Variants in AARSD1 observed in about 807,000 individuals in gnomAD.
AARSD1 encodes alanyl-tRNA editing protein Aarsd1.
A neutral mutation model predicts 48.7 loss-of-function variants in AARSD1; 44 were observed. That is an observed-to-expected ratio of 0.90 (90% CI 0.71 to 1.16). AARSD1 has a LOEUF of 1.16. Ranked by LOEUF, AARSD1 falls within the 50% of genes most tolerant of loss-of-function variation. AARSD1 has a pLI of 0.00. For synonymous variants in AARSD1, 189 were observed against 194.9 expected, an observed-to-expected ratio of 0.97 and a Z score of 0.25; for missense variants, 511 against 523.1, an observed-to-expected ratio of 0.98 and a Z score of 0.23.
chr17:42,955,267 C>A, intron 7 of AARSD1, 43 bp from the exon 8 acceptor site: 2 of 1,611,060 alleles, frequency 1.2e-6, no homozygotes, highest in South Asian at 2.2e-5. Flanking sequence ...GCTTCCCAGT[C>A]GTTTCTGATG....
Position 42,950,653 on chromosome 17 carries a change from C to T in AARSD1, c.1179G>A (p.Arg393=), listed in dbSNP as rs2049466952. ...RFQGKATKMS[R]RMEAQALLQD... ...GGAGAAGCGCCTGCGCCTCCATCCG[C>T]CGGCTCATCTTGGTGGCCTTGCCCT... Residue 393 remains arginine, a synonymous_variant, in exon 12 of 12, where the codon CGG becomes CGA. Transcript: ENST00000427569. 6.2e-7 allele frequency: 1 copy of T among 1,614,106 alleles called. No individual in the cohort carries two copies. The highest frequency in any genetic ancestry group is 8.5e-7 in the Non-Finnish European group (1 of 1,180,016).
intron 9 of AARSD1, 47 bp from the exon 10 acceptor site, chr17:42,953,825 G>T (rs769512083): frequency 1.2e-6 from 2 of 1,613,338 alleles, no homozygotes; most frequent in Non-Finnish European, 1.7e-6. Context: ...AGTGGTGGCT[G>T]TGAAACTGCA....
At chr17:42,960,588 G>C (rs1203960487) in intron 3 of AARSD1, among the ~76,000 whole-genome samples, 1 of 151,816 alleles carries the variant, frequency 6.6e-6, no homozygotes, top group Non-Finnish European at 1.5e-5. Context: ...TGGGCATGGT[G>C]GTGGGGGCCT....
At position 42,961,290 on chromosome 17, in the gene AARSD1, T is replaced by C. The variant is rs2049634080; in HGVS notation, c.233A>G (p.Gln78Arg). ...SVLRVTRRGE[Q>R]ADHFTQTPLD... Reference sequence around the variant, plus strand: ...GGGTGTCTGGGTGAAATGATCAGCCTGTTCCCCACGGCGAGTCACTCTCAG... The same window carrying C: ...GGGTGTCTGGGTGAAATGATCAGCCCGTTCCCCACGGCGAGTCACTCTCAG... Residue 78 changes from glutamine to arginine, a missense_variant, in exon 3 of 12, where the codon CAG (glutamine) becomes CGG (arginine). By Grantham distance (43) the Gln-to-Arg change is conservative. Transcript: ENST00000427569. 1.2e-6 allele frequency: 2 copies of C among 1,614,170 alleles called. No homozygotes were observed. The highest frequency in any genetic ancestry group is 1.7e-6 in the Non-Finnish European group (2 of 1,180,014).
intron 2 of AARSD1, among the ~76,000 whole-genome samples, chr17:42,963,081 C>G (rs1018196018): frequency 6.6e-6 from 1 of 151,458 alleles, no homozygotes; most frequent in Non-Finnish European, 1.5e-5. Context: ...CACCTTAATA[C>G]ACCTTTTTTT....
intron 9 of AARSD1, 162 bp from the exon 10 acceptor site, chr17:42,953,940 C>A (rs1222326241): frequency 2.5e-6 from 2 of 785,436 alleles, no homozygotes; most frequent in Non-Finnish European, 4.1e-6. Context: ...CAGCAAGCTG[C>A]CCTTCTCAGC....
intron 2 of AARSD1, among the ~76,000 whole-genome samples, chr17:42,961,889 G>C (rs922515750): frequency 1.3e-5 from 2 of 152,060 alleles, no homozygotes; most frequent in Non-Finnish European, 2.9e-5. Context: ...GATACTCCCT[G>C]CTACTTGGGA....
At position 42,954,739 on chromosome 17, in the gene AARSD1, A is replaced by G. The variant is rs1192852628; in HGVS notation, c.953+137T>C. On this transcript the variant is annotated intron_variant, in intron 9 of 11. Coordinates refer to ENST00000427569, the MANE Select transcript of AARSD1 (RefSeq NM_001261434.2). ...TGAGCCACCGCGCCCGGCCAGTAAC[A>G]TATTTCTTAGGATCTACTCAACCTT... 2.1e-5 allele frequency: 21 copies of G among 984,824 alleles called. No individual in the cohort carries two copies. The Admixed American group carries it at 4.3e-4, about 20-fold the overall frequency. 61.0% of individuals were successfully genotyped at this position (984,824 alleles called of 1,614,324 possible). A position where few individuals can be genotyped will look rare whatever the true frequency, so the allele number is the denominator to read the frequency against.
intron 10 of AARSD1, 167 bp from the exon 11 acceptor site, chr17:42,952,061 C>A: frequency 1.4e-6 from 1 of 716,222 alleles, no homozygotes; most frequent in Non-Finnish European, 2.2e-6. Flanking sequence ...CCACGAGGGC[C>A]AAGAAACTTT....
chr17:42,964,106 C>T lies in AARSD1; in HGVS notation c.171G>A (p.Gln57=). ...DTVLFPEGGG[Q]PDDRGTINDI... ...TCCTGGGAAGAGATCGTTTTGGTACCTGTCCCCCGCCCTCAGGGAAAAGCA... is the reference window on the plus strand; with the variant it reads ...TCCTGGGAAGAGATCGTTTTGGTACTTGTCCCCCGCCCTCAGGGAAAAGCA... The change falls in exon 2 of 12, where the codon CAG becomes CAA. Residue 57 remains glutamine (Q), a splice_region_variant and synonymous_variant. Transcript: ENST00000427569. 1 of 1,614,176 alleles carries T rather than the reference C, an allele frequency of 6.2e-7. No homozygotes were observed. The highest frequency in any genetic ancestry group is 8.5e-7 in the Non-Finnish European group (1 of 1,180,046).
intron 10 of AARSD1, among the ~76,000 whole-genome samples, chr17:42,952,382 A>G (rs2049491113): frequency 6.6e-6 from 1 of 152,200 alleles, no homozygotes; most frequent in Non-Finnish European, 1.5e-5. Flanking sequence ...GTCGACATAC[A>G]TATTTGTCTC....
At chr17:42,953,155 A>G (rs943366448) in intron 10 of AARSD1, among the ~76,000 whole-genome samples, 2 of 151,786 alleles carry the variant, frequency 1.3e-5, no homozygotes, top group Middle Eastern at 3.2e-3. Flanking sequence ...AATTTTTTGT[A>G]TTTTAGTAGA....
chr17:42,953,297 G>C (rs1208650806), intron 10 of AARSD1, among the ~76,000 whole-genome samples: 2 of 151,956 alleles, frequency 1.3e-5, no homozygotes, highest in Non-Finnish European at 2.9e-5. Flanking sequence ...TCTATTTTTA[G>C]TAGAGATGGG....
In AARSD1 at chr17:42,964,449, G is replaced by T; in HGVS notation, c.-9C>A. On this transcript the variant is annotated 5_prime_UTR_variant, in exon 1 of 12. Transcript: ENST00000427569. Reference sequence around the variant, plus strand: ...TGACACCAGAACGCCATACCTGCAGGCGTGTGAGGAGGCGCACGCGCAGAG... The same window carrying T: ...TGACACCAGAACGCCATACCTGCAGTCGTGTGAGGAGGCGCACGCGCAGAG... 2 of 1,550,732 alleles carry T rather than the reference G, an allele frequency of 1.3e-6. No homozygotes were observed. The highest frequency in any genetic ancestry group is 1.7e-6 in the Non-Finnish European group (2 of 1,147,028).
chr17:42,954,989 A>G, intron 8 of AARSD1, 22 bp from the exon 9 acceptor site: 1 of 1,613,964 alleles, frequency 6.2e-7, no homozygotes, highest in South Asian at 1.1e-5. Flanking sequence ...ATGGTAACTC[A>G]GTAGATAAAT....
chr17:42,957,231 G>A (rs1191538529), intron 3 of AARSD1, 36 bp from the exon 4 acceptor site: 2 of 1,612,150 alleles, frequency 1.2e-6, no homozygotes, highest in Non-Finnish European at 1.7e-6. Context: ...AGAAAAGTGA[G>A]AAGCCTACAT....
intron 3 of AARSD1, chr17:42,960,875 C>G: frequency 4.0e-6 from 1 of 251,314 alleles, no homozygotes; most frequent in Non-Finnish European, 7.5e-6. Flanking sequence ...AATGAAAGAC[C>G]AGGAGGGAGG....
Position 42,957,203 on chromosome 17 carries a change from AAG to A in AARSD1, c.332-10_332-9del, listed in dbSNP as rs2049570068. The A allele has an allele frequency of 6.2e-7, 1 of 1,613,568 alleles. No individual in the cohort carries two copies. Among genetic ancestry groups the A allele is most frequent in the Non-Finnish European group, 8.5e-7 (1 of 1,179,764 alleles). On this transcript the variant is annotated splice_polypyrimidine_tract_variant and intron_variant, in intron 3 of 11. Transcript: ENST00000427569. ...CCGTGATGAGATGCTGCCCTAAGCA[AAG>A]AGAGCCAGAGACAGGAGAAAAGTGA... is the stretch of plus-strand genomic sequence containing the variant.
intron 2 of AARSD1, chr17:42,962,408 A>C: frequency 6.2e-6 from 1 of 160,590 alleles, no homozygotes; most frequent in South Asian, 1.3e-4. Context: ...ATGGTACCTC[A>C]TGGAACTTAA....
Sources: gnomAD v4.1 joint callset for allele counts (sites outside exome capture counted in the v4.1 genomes callset) on GRCh38, gnomAD v4.1.1 for gene constraint, MANE v1.5 for transcripts, NCBI Gene and HGNC (gene_info 2026-07-23, HGNC 2026-07-21) for gene names.